GRIP2: variants seen among roughly 807,000 people sequenced by gnomAD.
GRIP2 encodes the protein glutamate receptor-interacting protein 2.
Under a neutral mutation model 108.3 loss-of-function variants are expected in GRIP2, and 58 were observed. That is an observed-to-expected ratio of 0.54 (90% CI 0.43 to 0.67). GRIP2 has a LOEUF of 0.67. Among genes scored for constraint, GRIP2 ranks in the 30% least tolerant of loss-of-function variants. The pLI is 0.00. For synonymous variants in GRIP2, 586 were observed against 598.2 expected (o/e 0.98, Z 0.30); for missense variants, 1,278 against 1,430.6 (o/e 0.89, Z 1.72).
At chr3:14,495,149 C>T (rs1266690010) in intron 22 of GRIP2, among the ~76,000 whole-genome samples, 160 bp from the exon 23 acceptor site, 1 of 152,056 alleles carries the variant, frequency 6.6e-6, no homozygotes, top group Non-Finnish European at 1.5e-5. Context: ...TCAGCCACCC[C>T]CGCCACCCCG....
At chr3:14,585,137 G>C in the GRIP2 span, among the ~76,000 whole-genome samples, 1 of 152,180 alleles carries the variant, frequency 6.6e-6, no homozygotes, top group African/African-American at 2.4e-5. Context: ...CGATTCTCCT[G>C]TCTGTCTCCC....
chr3:14,506,439 C>G lies in GRIP2; in HGVS notation c.2398+362G>C, dbSNP rs138527986. 1.4e-3 allele frequency among the ~76,000 whole-genome samples: 211 copies of G among 152,286 alleles called. 3 individuals are homozygous for G. Among genetic ancestry groups the G allele is most frequent in the African/African-American group, 5.0e-3 (207 of 41,556 alleles). On this transcript the variant is annotated intron_variant, in intron 19 of 23. Transcript: ENST00000621039. ...GGGCTTTTGGCCTCCCTATTTTCAACTGGATGGAATGAACATTGTTGAGCA... is the reference window on the plus strand; with the variant it reads ...GGGCTTTTGGCCTCCCTATTTTCAAGTGGATGGAATGAACATTGTTGAGCA...
chr3:14,527,703 A>T (rs1694601807), intron 1 of GRIP2, among the ~76,000 whole-genome samples: 1 of 124,214 alleles, frequency 8.1e-6, no homozygotes, highest in African/African-American at 2.6e-5. Flanking sequence ...CAATCTGGCC[A>T]ACAGAGGCAT....
rs768195299 is a variant in GRIP2 at position 14,520,213 on chromosome 3, C to A, written c.927G>T (p.Ser309=). 5.6e-6 allele frequency: 9 copies of A among 1,613,730 alleles called. No individual in the cohort carries two copies. The highest frequency in any genetic ancestry group is 4.5e-5 in the East Asian group (2 of 44,876). The change falls in exon 9 of 24, where the codon TCG becomes TCT. Residue 309 remains serine, a synonymous_variant. Transcript: ENST00000621039. The part of the protein sequence containing the change: ...SIDGTSMEHC[S]LLEATKLLAS... ...CCAGGAGCTTGGTGGCCTCAAGCAGCGAGCAGTGTTCCATGCTGGTGCCAT... is the reference window on the plus strand; with the variant it reads ...CCAGGAGCTTGGTGGCCTCAAGCAGAGAGCAGTGTTCCATGCTGGTGCCAT...
At chr3:14,542,181 C>A, upstream of GRIP2, 1 of 710,894 alleles carries the variant, frequency 1.4e-6, no homozygotes, top group Non-Finnish European at 2.0e-6. Context: ...TGTGACACAG[C>A]GTCTCACTCT....
rs771439958 is a variant in GRIP2 at position 14,524,445 on chromosome 3, C to A, written c.351G>T (p.Lys117Asn). The stretch of plus-strand genomic sequence containing the variant: ...CCAGCACCACGCGCTCGCCCACATT[C>A]TTGAGCAGGGTGATGATCTCATCGT... ...LRHDEIITLLKNVGERVVLEV... is the reference protein window; with the variant it reads ...LRHDEIITLLNNVGERVVLEV... Residue 117 changes from lysine (K) to asparagine (N), a missense_variant, in exon 4 of 24, where the codon AAG (lysine) becomes AAT (asparagine). Coordinates refer to ENST00000621039, the MANE Select transcript of GRIP2 (RefSeq NM_001080423.4). 1 of 1,605,092 alleles carries A rather than the reference C, an allele frequency of 6.2e-7. No individual in the cohort carries two copies.
chr3:14,510,642 T>G (rs928734907), intron 16 of GRIP2, among the ~76,000 whole-genome samples: 5 of 152,080 alleles, frequency 3.3e-5, no homozygotes, highest in Non-Finnish European at 7.4e-5. Context: ...AGAGTCGGAG[T>G]TGGTGATTTG....
the GRIP2 span, chr3:14,574,799 A>G: frequency 2.8e-6 from 1 of 356,312 alleles, no homozygotes; most frequent in Non-Finnish European, 5.4e-6. Flanking sequence ...GCTTCCCACA[A>G]TGGAAGTTTA....
intron 1 of GRIP2, among the ~76,000 whole-genome samples, chr3:14,529,046 G>A (rs567219816): frequency 1.2e-4 from 18 of 152,030 alleles, no homozygotes; most frequent in South Asian, 8.3e-4. Context: ...CAAAGGGGGC[G>A]GATCATGAGG....
At chr3:14,568,905 C>A in the GRIP2 span, among the ~76,000 whole-genome samples, 2 of 152,214 alleles carry the variant, frequency 1.3e-5, no homozygotes, top group African/African-American at 4.8e-5. Flanking sequence ...CCTTCACCAG[C>A]TGTGTGGCCT....
At chr3:14,571,693 T>C in the GRIP2 span, among the ~76,000 whole-genome samples, 1 of 152,102 alleles carries the variant, frequency 6.6e-6, no homozygotes, top group Non-Finnish European at 1.5e-5. Context: ...GTAGGGAACA[T>C]GAGGGAGTAC....
chr3:14,582,069 G>A, the GRIP2 span, among the ~76,000 whole-genome samples: 12 of 152,198 alleles, frequency 7.9e-5, no homozygotes, highest in African/African-American at 2.2e-4. Flanking sequence ...GGAGCATGAC[G>A]TGTTGCTCCT....
chr3:14,573,602 G>C, the GRIP2 span: 6 of 1,467,388 alleles, frequency 4.1e-6, no homozygotes, highest in Non-Finnish European at 5.7e-6. Context: ...TCTCACACTC[G>C]CCGTTGGTGC....
In GRIP2 at chr3:14,506,834, T is replaced by G; in HGVS notation, c.2365A>C (p.Ser789Arg). 1 of 1,605,874 alleles carries G rather than the reference T, an allele frequency of 6.2e-7. No homozygotes were observed. ...CCAAAGCCACCCTCGGTGGCCGAGC[T>G]GTCCCAAGACTCCACAGCACTGTCC... ...SVDSAVESWD[S>R]SATEGGFGGP... The change falls in exon 19 of 24, where the codon AGC (serine) becomes CGC (arginine). Residue 789 changes from serine to arginine, a missense_variant. Ser to Arg is a moderately radical substitution (Grantham distance 110). Transcript: ENST00000621039.
chr3:14,520,086 C>T, intron 9 of GRIP2, 24 bp downstream of exon 9: 1 of 1,563,898 alleles, frequency 6.4e-7, no homozygotes, highest in Non-Finnish European at 8.7e-7. Context: ...GGTTTGGGCC[C>T]TGAGATCTAC....
At chr3:14,566,659 C>T in the GRIP2 span, among the ~76,000 whole-genome samples, 8 of 152,214 alleles carry the variant, frequency 5.3e-5, no homozygotes, top group African/African-American at 1.9e-4. Flanking sequence ...CCGTGTTGCT[C>T]ACCAAGCAAG....
At chr3:14,534,257 C>T (rs60576870) in intron 1 of GRIP2, among the ~76,000 whole-genome samples, 26,990 of 152,128 alleles carry the variant, frequency 0.18, 2,479 homozygotes, top group South Asian at 0.2. Context: ...CCATTTTCCC[C>T]TCTGTAAAAT....
chr3:14,518,159 G>A (rs577488288), intron 9 of GRIP2, among the ~76,000 whole-genome samples: 190 of 152,348 alleles, frequency 1.2e-3, no homozygotes, highest in Non-Finnish European at 2.4e-3. Context: ...GGGAGGTTGT[G>A]GAGCAGGGAT....
At chr3:14,529,698 C>A (rs1041617196) in intron 1 of GRIP2, among the ~76,000 whole-genome samples, 4 of 152,156 alleles carry the variant, frequency 2.6e-5, no homozygotes, top group African/African-American at 9.6e-5. Context: ...TTTGAACATT[C>A]ACCTATTATT....
Sources: allele counts gnomAD v4.1 joint callset (sites outside exome capture counted in the v4.1 genomes callset), GRCh38; gene constraint gnomAD v4.1.1; transcripts MANE v1.5; gene names NCBI Gene and HGNC (gene_info 2026-07-23, HGNC 2026-07-21).